C6: variants seen among roughly 807,000 people sequenced by gnomAD.
C6 encodes complement component C6.
Under a neutral mutation model 112.9 loss-of-function variants are expected in C6, and 101 were observed. That is an observed-to-expected ratio of 0.89 (90% CI 0.76 to 1.06). The LOEUF (loss-of-function observed/expected upper bound fraction) is 1.06. Ranked by LOEUF, C6 falls within the 50% of genes least tolerant of loss-of-function variation. The pLI is 0.00. For synonymous variants in C6, 431 were observed against 384.1 expected, an observed-to-expected ratio of 1.12 and a Z score of -1.43; for missense variants, 1,202 against 1,104.6, an observed-to-expected ratio of 1.09 and a Z score of -1.25.
chr5:41,214,860 G>A (rs1752140273), upstream of C6, among the ~76,000 whole-genome samples: 1 of 152,042 alleles, frequency 6.6e-6, no homozygotes, highest in African/African-American at 2.4e-5. Context: ...TTGTAATGTG[G>A]GCTATGAAGA....
chr5:41,253,152 T>G (rs1741467916), intron 1 of C6, among the ~76,000 whole-genome samples: 1 of 152,270 alleles, frequency 6.6e-6, no homozygotes, highest in African/African-American at 2.4e-5. Flanking sequence ...CATTTGATTA[T>G]GAAGTCCCTT....
intron 17 of C6, among the ~76,000 whole-genome samples, chr5:41,144,821 T>A (rs866476141): frequency 5.3e-4 from 81 of 152,324 alleles, no homozygotes; most frequent in African/African-American, 1.5e-3. Context: ...TGCTTACAAG[T>A]AAGAACACGT....
intron 17 of C6, among the ~76,000 whole-genome samples, chr5:41,144,276 CT>C (rs1057400774): frequency 4.3e-4 from 65 of 151,470 alleles, no homozygotes; most frequent in African/African-American, 1.3e-3. Flanking sequence ...CGTTTCTTTT[CT>C]TTTTTTTTGA....
chr5:41,246,064 T>C (rs1168838185), intron 1 of C6, among the ~76,000 whole-genome samples: 1 of 152,194 alleles, frequency 6.6e-6, no homozygotes, highest in African/African-American at 2.4e-5. Flanking sequence ...GTTGAAGAAT[T>C]AGTCTTTGAC....
intron 1 of C6, among the ~76,000 whole-genome samples, chr5:41,253,558 G>C (rs902263313): frequency 6.6e-6 from 1 of 152,154 alleles, no homozygotes; most frequent in East Asian, 1.9e-4. Flanking sequence ...GTAAACTAGG[G>C]CAATTGTAGG....
chr5:41,221,479 C>G (rs541171205), intron 1 of C6, among the ~76,000 whole-genome samples: 1 of 152,236 alleles, frequency 6.6e-6, no homozygotes, highest in African/African-American at 2.4e-5. Flanking sequence ...ATGAGCAGCA[C>G]TGACATTGGG....
intron 17 of C6, among the ~76,000 whole-genome samples, chr5:41,146,995 G>A (rs535569610): frequency 4.6e-5 from 7 of 152,118 alleles, no homozygotes; most frequent in Middle Eastern, 3.4e-3. Context: ...AAGAATGGAA[G>A]GTAACACTAA....
chr5:41,196,036 G>GACTT, intron 4 of C6, 103 bp from the exon 5 acceptor site: 2 of 1,364,458 alleles, frequency 1.5e-6, no homozygotes, highest in Non-Finnish European at 2.0e-6. Flanking sequence ...TAAAGTTGAA[G>GACTT]GCAAGTCTTC....
chr5:41,144,128 T>G (rs915297549), intron 17 of C6, among the ~76,000 whole-genome samples: 1 of 152,220 alleles, frequency 6.6e-6, no homozygotes, highest in African/African-American at 2.4e-5. Context: ...CAGTTTTTGT[T>G]CTTTCTCCTA....
chr5:41,261,004 T>C (rs1263192880), intron 1 of C6, among the ~76,000 whole-genome samples: 1 of 152,136 alleles, frequency 6.6e-6, no homozygotes, highest in Non-Finnish European at 1.5e-5. Flanking sequence ...CACAAAGACA[T>C]TGTCACACAG....
chr5:41,144,745 C>T (rs1745657476), intron 17 of C6, among the ~76,000 whole-genome samples: 1 of 152,108 alleles, frequency 6.6e-6, no homozygotes, highest in Non-Finnish European at 1.5e-5. Flanking sequence ...CTCCCACTAT[C>T]CACCCTCAAG....
chr5:41,213,390 TG>T lies in C6; in HGVS notation c.-36del. 1 of 984,564 alleles carries T rather than the reference TG, an allele frequency of 1.0e-6. No homozygotes were observed. Among genetic ancestry groups the T allele is most frequent in the Non-Finnish European group, 1.2e-6 (1 of 829,146 alleles). The allele number at this position is 984,564 out of a possible 1,614,324, so 61.0% of individuals were successfully genotyped here. ...ATATTACTCACCTTTAAGCAGAGTTTGTGGTGTCCTCGGACCTAAGCTGCAA... is the reference window on the plus strand; with the variant it reads ...ATATTACTCACCTTTAAGCAGAGTTTTGGTGTCCTCGGACCTAAGCTGCAA... On this transcript the variant is annotated 5_prime_UTR_variant, in exon 1 of 18. Transcript: ENST00000337836.
chr5:41,165,598 A>G (rs778567188), intron 9 of C6, among the ~76,000 whole-genome samples: 61 of 152,252 alleles, frequency 4.0e-4, no homozygotes, highest in Admixed American at 9.8e-4. Flanking sequence ...TTATTTTACA[A>G]TTTCAACTAC....
At chr5:41,211,321 G>GGCATATA (rs1751907590) in intron 1 of C6, among the ~76,000 whole-genome samples, 1 of 151,530 alleles carries the variant, frequency 6.6e-6, no homozygotes, top group African/African-American at 2.4e-5. Flanking sequence ...ACACCAACAT[G>GGCATATA]GCATATGTAT....
intron 1 of C6, among the ~76,000 whole-genome samples, chr5:41,242,706 A>G (rs1740791387): frequency 6.6e-6 from 1 of 152,162 alleles, no homozygotes; most frequent in African/African-American, 2.4e-5. Context: ...TGTTTGCAAT[A>G]ACCTTAGAAA....
intron 6 of C6, among the ~76,000 whole-genome samples, chr5:41,184,925 G>T (rs983347872): frequency 6.6e-6 from 1 of 152,128 alleles, no homozygotes; most frequent in Non-Finnish European, 1.5e-5. Flanking sequence ...GCCTCAATTT[G>T]CTCCAGCCTC....
At chr5:41,256,694 TAATGTTGCCAACTGCA>T (rs1349478540) in intron 1 of C6, among the ~76,000 whole-genome samples, 1 of 152,196 alleles carries the variant, frequency 6.6e-6, no homozygotes, top group African/African-American at 2.4e-5. Context: ...ATGACCTCAA[TAATGTTGCCAACTGCA>T]CCGTATTCCA....
chr5:41,242,243 G>A (rs35114048), intron 1 of C6, among the ~76,000 whole-genome samples: 26,599 of 152,046 alleles, frequency 0.17, 2,810 homozygotes, highest in South Asian at 0.35. Context: ...TCATGGGGGC[G>A]GTTTCCCCCA....
At chr5:41,200,894 T>TTG in intron 3 of C6, among the ~76,000 whole-genome samples, 2 of 16,330 alleles carry the variant, frequency 1.2e-4, no homozygotes, top group East Asian at 9.2e-4. Context: ...TGTTGTTGTT[T>TTG]TTTTTTTTTT....
Sources: gnomAD v4.1 joint callset for allele counts (sites outside exome capture counted in the v4.1 genomes callset) on GRCh38, gnomAD v4.1.1 for gene constraint, MANE v1.5 for transcripts, NCBI Gene and HGNC (gene_info 2026-07-23, HGNC 2026-07-21) for gene names.